Variants in POU6F2 observed in about 807,000 individuals in gnomAD.
POU6F2 encodes POU class 6 homeobox 2.
A neutral mutation model predicts 71.3 loss-of-function variants in POU6F2; 31 were observed. The ratio of observed to expected loss-of-function variants is 0.43; its 90% CI spans 0.33 to 0.59. The LOEUF (loss-of-function observed/expected upper bound fraction) is 0.59, where lower values mean the gene tolerates loss of function less well. POU6F2 is among the 20% of genes least tolerant of loss of function. The pLI is 0.04. For missense variants in POU6F2, 783 were observed against 856.8 expected (o/e 0.91, Z 1.07); for synonymous variants, 347 against 355.7 (o/e 0.98, Z 0.27).
chr7:39,336,470 T>C (rs987170620), intron 4 of POU6F2, among the ~76,000 whole-genome samples: 3 of 152,230 alleles, frequency 2.0e-5, no homozygotes, highest in African/African-American at 4.8e-5. Context: ...TTCCTTGGTG[T>C]TCTTTCTCTC....
At chr7:39,059,605 G>A (rs1790609644) in intron 1 of POU6F2, among the ~76,000 whole-genome samples, 1 of 151,886 alleles carries the variant, frequency 6.6e-6, no homozygotes, top group African/African-American at 2.4e-5. Context: ...CAGCTACTGT[G>A]GAAAACAGTT....
At chr7:39,054,369 TAG>T (rs538865076) in intron 1 of POU6F2, among the ~76,000 whole-genome samples, 59 of 152,238 alleles carry the variant, frequency 3.9e-4, no homozygotes, top group Non-Finnish European at 6.3e-4. Flanking sequence ...TCCTATTTTA[TAG>T]ATAAGACGAA....
intron 4 of POU6F2, among the ~76,000 whole-genome samples, chr7:39,243,658 A>G (rs1025219128): frequency 6.6e-6 from 1 of 151,902 alleles, no homozygotes; most frequent in African/African-American, 2.4e-5. Flanking sequence ...AGTATCAGTA[A>G]TTTATTCTAG....
chr7:39,247,970 A>C (rs1385283189), intron 4 of POU6F2, among the ~76,000 whole-genome samples: 2 of 152,162 alleles, frequency 1.3e-5, no homozygotes, highest in Non-Finnish European at 2.9e-5. Flanking sequence ...TCCTTTTCCT[A>C]AGAAATTATA....
chr7:39,056,433 G>C (rs1016338257), intron 1 of POU6F2, among the ~76,000 whole-genome samples: 3 of 151,956 alleles, frequency 2.0e-5, no homozygotes, highest in Non-Finnish European at 2.9e-5. Flanking sequence ...CGAACATAAT[G>C]CTTTAAATTG....
At chr7:39,030,707 G>A (rs1185374331) in intron 1 of POU6F2, among the ~76,000 whole-genome samples, 14 of 150,452 alleles carry the variant, frequency 9.3e-5, no homozygotes, top group Admixed American at 9.3e-4. Flanking sequence ...ACTCTTTGGG[G>A]GAAATGCCAA....
At chr7:39,257,923 T>C (rs1251903976) in intron 4 of POU6F2, among the ~76,000 whole-genome samples, 1 of 152,194 alleles carries the variant, frequency 6.6e-6, no homozygotes, top group East Asian at 1.9e-4. Flanking sequence ...TCTATAACTT[T>C]TATGCAGAGG....
At chr7:39,271,278 A>G (rs983666439) in intron 4 of POU6F2, among the ~76,000 whole-genome samples, 18 of 152,148 alleles carry the variant, frequency 1.2e-4, no homozygotes, top group Non-Finnish European at 2.9e-5. Flanking sequence ...TTTCATTTAC[A>G]TATTGTGTTT....
chr7:39,127,836 ATT>A (rs70977460), intron 2 of POU6F2, among the ~76,000 whole-genome samples: 19 of 104,168 alleles, frequency 1.8e-4, no homozygotes, highest in African/African-American at 2.9e-4. Flanking sequence ...AGCCAGTGGA[ATT>A]TTTTTTTTTT....
chr7:39,307,071 G>T (rs1785061069), intron 4 of POU6F2, among the ~76,000 whole-genome samples: 1 of 152,208 alleles, frequency 6.6e-6, no homozygotes, highest in African/African-American at 2.4e-5. Context: ...CCCACCAAAT[G>T]ATGGCTTGAG....
At chr7:39,331,226 C>T (rs993405994) in intron 4 of POU6F2, among the ~76,000 whole-genome samples, 6 of 152,180 alleles carry the variant, frequency 3.9e-5, no homozygotes, top group African/African-American at 1.4e-4. Context: ...GTGAATAGTG[C>T]TGCAGTAAAC....
chr7:39,243,115 C>T (rs970878681), intron 4 of POU6F2, among the ~76,000 whole-genome samples: 37 of 152,154 alleles, frequency 2.4e-4, no homozygotes, highest in Non-Finnish European at 7.4e-5. Flanking sequence ...ACTGGTTTGA[C>T]AAACACACTA....
chr7:39,175,338 G>T (rs562073466), intron 2 of POU6F2, among the ~76,000 whole-genome samples: 4 of 152,098 alleles, frequency 2.6e-5, no homozygotes, highest in Non-Finnish European at 4.4e-5. Flanking sequence ...AAAATTTCGT[G>T]CATCAGTATA....
intron 5 of POU6F2, 57 bp downstream of exon 5, chr7:39,340,072 G>T: frequency 6.6e-7 from 1 of 1,519,480 alleles, no homozygotes; most frequent in Non-Finnish European, 8.8e-7. Context: ...TTTCCATGGG[G>T]TGGTGCCATC....
intron 1 of POU6F2, among the ~76,000 whole-genome samples, chr7:39,085,331 T>C (rs1791215204): frequency 6.6e-6 from 1 of 152,100 alleles, no homozygotes; most frequent in Non-Finnish European, 1.5e-5. Context: ...TCGAGGTCTC[T>C]TTTCTCCCTA....
At chr7:39,007,939 G>C (rs1217321083) in intron 1 of POU6F2, among the ~76,000 whole-genome samples, 2 of 151,302 alleles carry the variant, frequency 1.3e-5, no homozygotes, top group African/African-American at 4.9e-5. Flanking sequence ...TTGGACATTT[G>C]AGTTGGTTCC....
At chr7:39,009,553 C>T (rs550670230) in intron 1 of POU6F2, among the ~76,000 whole-genome samples, 4,725 of 152,246 alleles carry the variant, frequency 0.031, 103 homozygotes, top group Non-Finnish European at 0.045. Flanking sequence ...AAACTTCCAA[C>T]ACTATGTTGA....
At chr7:39,159,315 T>C (rs924813063) in intron 2 of POU6F2, among the ~76,000 whole-genome samples, 4 of 152,198 alleles carry the variant, frequency 2.6e-5, no homozygotes, top group African/African-American at 9.7e-5. Flanking sequence ...CACAAAGATA[T>C]ATAACCGCTT....
At chr7:39,356,307 G>T (rs1324609940) in intron 5 of POU6F2, among the ~76,000 whole-genome samples, 1 of 152,020 alleles carries the variant, frequency 6.6e-6, no homozygotes, top group Admixed American at 6.6e-5. Flanking sequence ...GCCCAGATGT[G>T]CCTGACACAA....
Sources: gnomAD v4.1 joint callset for allele counts (sites outside exome capture counted in the v4.1 genomes callset) on GRCh38, gnomAD v4.1.1 for gene constraint, MANE v1.5 for transcripts, NCBI Gene and HGNC (gene_info 2026-07-23, HGNC 2026-07-21) for gene names.